Variants in RORA observed in about 807,000 individuals in gnomAD.
RORA encodes nuclear receptor ROR-alpha.
RORA carries 7 observed loss-of-function variants against 69.5 expected under a neutral mutation model. That is an observed-to-expected ratio of 0.10 (90% confidence interval 0.06 to 0.19). The LOEUF (loss-of-function observed/expected upper bound fraction) is 0.19. Among genes scored for constraint, RORA ranks in the 10% least tolerant of loss-of-function variants. The probability of loss-of-function intolerance (pLI) is 1.00; values close to 1 mark genes in which losing one functional copy is unlikely to be tolerated. For missense variants in RORA, 457 were observed against 663.0 expected (o/e 0.69, Z 3.41); for synonymous variants, 261 against 240.8 (o/e 1.08, Z -0.78).
intron 1 of RORA, among the ~76,000 whole-genome samples, chr15:60,817,774 C>T: frequency 6.6e-6 from 1 of 152,220 alleles, no homozygotes; most frequent in Non-Finnish European, 1.5e-5. Flanking sequence ...TGCCAAATCA[C>T]TTGGCAGAGA....
intron 1 of RORA, among the ~76,000 whole-genome samples, chr15:61,035,426 C>T (rs1367348547): frequency 1.3e-5 from 2 of 152,114 alleles, no homozygotes; most frequent in Non-Finnish European, 2.9e-5. Flanking sequence ...TAAGCGGCAG[C>T]AAAATGTACT....
intron 1 of RORA, among the ~76,000 whole-genome samples, chr15:61,009,503 G>A (rs1447687357): frequency 2.0e-5 from 3 of 152,310 alleles, no homozygotes; most frequent in South Asian, 2.1e-4. Flanking sequence ...AAATTAGAAA[G>A]ACATGGGGCA....
At chr15:60,663,492 G>A (rs1413768975) in intron 2 of RORA, among the ~76,000 whole-genome samples, 2 of 152,234 alleles carry the variant, frequency 1.3e-5, no homozygotes, top group African/African-American at 4.8e-5. Context: ...TTTCACTCTT[G>A]TTGCCCAGGC....
Position 60,490,687 on chromosome 15 carries a change from T to G in RORA, c.*6768A>C, listed in dbSNP as rs2065027223. On this transcript the variant is annotated 3_prime_UTR_variant, in exon 11 of 11. Transcript: ENST00000335670. This position sits in a 1 kb window ranked among gnomAD's most constrained non-coding sequence, Gnocchi z 4.1. ...GTCTAAAATTTGTATTTTTTAAGTC[T>G]ATGCACAAAAGTCATTTGTTTTATT... 1 of 152,218 alleles carries G rather than the reference T, an allele frequency of 6.6e-6. No individual in the cohort carries two copies. The highest frequency in any genetic ancestry group is 2.1e-4 in the South Asian group (1 of 4,834). 9.4% of individuals were successfully genotyped at this position (152,218 alleles called of 1,614,324 possible). A position where few individuals can be genotyped will look rare whatever the true frequency, so the allele number is the denominator to read the frequency against.
At chr15:60,580,669 C>CA (rs2068166456) in intron 2 of RORA, among the ~76,000 whole-genome samples, 1 of 152,124 alleles carries the variant, frequency 6.6e-6, no homozygotes, top group African/African-American at 2.4e-5. Context: ...CGCTGATCTG[C>CA]AAAAATCACT....
chr15:61,129,287 C>T (rs115767534), intron 1 of RORA, among the ~76,000 whole-genome samples: 3,298 of 152,050 alleles, frequency 0.022, 122 homozygotes, highest in African/African-American at 0.077. Flanking sequence ...AAATACCTGG[C>T]GATTTAAAAT....
At chr15:60,883,682 A>G (rs193272626) in intron 1 of RORA, among the ~76,000 whole-genome samples, 1 of 152,260 alleles carries the variant, frequency 6.6e-6, no homozygotes, top group African/African-American at 2.4e-5. Flanking sequence ...TTTTCTGTTA[A>G]TATGTTTCTA....
intron 1 of RORA, among the ~76,000 whole-genome samples, chr15:61,053,263 ATT>A: frequency 6.7e-6 from 1 of 148,152 alleles, no homozygotes; most frequent in South Asian, 2.1e-4. Context: ...CTGCAAAAAC[ATT>A]TTTTTTTTTG....
At chr15:61,053,686 A>C (rs2140510513) in intron 1 of RORA, among the ~76,000 whole-genome samples, 1 of 151,724 alleles carries the variant, frequency 6.6e-6, no homozygotes, top group Non-Finnish European at 1.5e-5. Flanking sequence ...TGCCTCAAGA[A>C]AACAAATTCT....
At chr15:61,177,511 C>T (rs761570682) in intron 1 of RORA, among the ~76,000 whole-genome samples, 11 of 152,214 alleles carry the variant, frequency 7.2e-5, no homozygotes, top group Middle Eastern at 3.4e-3. Flanking sequence ...GTGAAAAATA[C>T]GGCTGTCAGC....
At chr15:60,702,151 C>G (rs1328988482) in intron 1 of RORA, among the ~76,000 whole-genome samples, 1 of 152,186 alleles carries the variant, frequency 6.6e-6, no homozygotes, top group African/African-American at 2.4e-5. Context: ...CTTACCCTCT[C>G]AAAGCCTCGG....
chr15:60,693,567 T>G (rs1202024790), intron 1 of RORA, among the ~76,000 whole-genome samples: 2 of 152,188 alleles, frequency 1.3e-5, no homozygotes, highest in Non-Finnish European at 1.5e-5. Flanking sequence ...GCCCAAAAGC[T>G]TCTTAAGCTG....
At chr15:60,607,081 C>T (rs1444750034) in intron 2 of RORA, among the ~76,000 whole-genome samples, 1 of 151,902 alleles carries the variant, frequency 6.6e-6, no homozygotes, top group African/African-American at 2.4e-5. Context: ...TGCTCATAGG[C>T]GCAAAGAGAG....
intron 2 of RORA, among the ~76,000 whole-genome samples, chr15:60,611,207 C>T (rs1012506416): frequency 1.3e-5 from 2 of 152,070 alleles, no homozygotes; most frequent in African/African-American, 4.8e-5. Flanking sequence ...AAATTCTTTC[C>T]TCTTGAATGG....
chr15:60,753,783 T>G (rs1392525341), intron 1 of RORA, among the ~76,000 whole-genome samples: 1 of 152,256 alleles, frequency 6.6e-6, no homozygotes, highest in Non-Finnish European at 1.5e-5. Flanking sequence ...AAGCTGTTCA[T>G]ATACTAGACA....
chr15:61,178,631 CCAT>C (rs1452078015), intron 1 of RORA, among the ~76,000 whole-genome samples: 10 of 151,920 alleles, frequency 6.6e-5, no homozygotes, highest in Admixed American at 6.6e-4. Context: ...CTAAAATAAA[CCAT>C]CACCCCAAGA....
intron 1 of RORA, among the ~76,000 whole-genome samples, chr15:61,022,914 G>C (rs1895609683): frequency 6.6e-6 from 1 of 152,066 alleles, no homozygotes; most frequent in Non-Finnish European, 1.5e-5. Context: ...GCCGGGCACG[G>C]TGGCCCACAC....
At chr15:60,868,513 G>A (rs1029741613) in intron 1 of RORA, among the ~76,000 whole-genome samples, 1 of 152,138 alleles carries the variant, frequency 6.6e-6, no homozygotes, top group Admixed American at 6.6e-5. Context: ...GGGCTAGCAA[G>A]CCCTCAGTCA....
intron 1 of RORA, among the ~76,000 whole-genome samples, chr15:60,884,964 C>A (rs2140451683): frequency 6.6e-6 from 1 of 152,302 alleles, no homozygotes; most frequent in South Asian, 2.1e-4. Context: ...GCCCCCAAAA[C>A]AAATGTTGTT....
Sources: allele counts gnomAD v4.1 joint callset (sites outside exome capture counted in the v4.1 genomes callset), GRCh38; gene constraint gnomAD v4.1.1; non-coding constraint Gnocchi (gnomAD v3.1); transcripts MANE v1.5; gene names NCBI Gene and HGNC (gene_info 2026-07-23, HGNC 2026-07-21).